The following FAT4 variants were observed in gnomAD, a reference collection of about 807,000 sequenced individuals.
FAT4 encodes the protein FAT atypical cadherin 4.
FAT4 carries 84 observed loss-of-function variants against 303.9 expected under a neutral mutation model. The observed-to-expected ratio is 0.28, with a 90% CI of 0.23 to 0.33. FAT4 has a LOEUF of 0.33. Ranked by LOEUF, FAT4 falls within the 10% of genes least tolerant of loss-of-function variation. FAT4 has a pLI of 1.00. For missense variants in FAT4, 6,005 were observed against 6,146.8 expected (o/e 0.98, Z 0.77); for synonymous variants, 2,307 against 2,298.8 (o/e 1.00, Z -0.10).
chr4:125,468,905 G>T (rs1726766430), intron 12 of FAT4, 86 bp downstream of exon 12: 2 of 1,362,894 alleles, frequency 1.5e-6, no homozygotes, highest in African/African-American at 1.5e-5. Flanking sequence ...TGTTAAATTA[G>T]GTTTATTCAT....
chr4:125,321,152 A>T lies in FAT4; in HGVS notation c.4741A>T (p.Ser1581Cys). 6.2e-7 allele frequency: 1 copy of T among 1,614,168 alleles called. No individual in the cohort carries two copies. The highest frequency in any genetic ancestry group is 1.1e-5 in the South Asian group (1 of 91,082). ...AGACACCTTCATTGTTGATCGTTAT[A>T]GTGGAGACCTGAGAGTGGCTTCAGC... is the stretch of plus-strand genomic sequence containing the variant. Reference protein sequence around the residue: ...DTDTFIVDRYSGDLRVASALV... With the variant: ...DTDTFIVDRYCGDLRVASALV... The change falls in exon 2 of 18, where the codon AGT becomes TGT. Residue 1581 changes from serine (S) to cysteine (C), a missense_variant. Ser to Cys is a moderately radical substitution (Grantham distance 112). Transcript: ENST00000394329.
chr4:125,405,916 A>C (rs2126018639), intron 3 of FAT4, among the ~76,000 whole-genome samples: 1 of 152,256 alleles, frequency 6.6e-6, no homozygotes. Flanking sequence ...TTATTTATAT[A>C]TTTTGAAAAT....
Position 125,490,612 on chromosome 4 carries a change from A to G in FAT4, c.13796A>G (p.Asp4599Gly). The G allele has an allele frequency of 6.2e-7, 1 of 1,614,148 alleles. No individual in the cohort carries two copies. The highest frequency in any genetic ancestry group is 8.5e-7 in the Non-Finnish European group (1 of 1,180,028). Reference protein sequence around the residue: ...ENPYLIYDETDIPHNSETIPS... With the variant: ...ENPYLIYDETGIPHNSETIPS... ...CCCTACCTTATCTATGATGAAACTG[A>G]TATTCCTCACAACTCAGAAACCATC... is the stretch of plus-strand genomic sequence containing the variant. Residue 4599 changes from aspartate (D) to glycine (G), a missense_variant, in exon 18 of 18, where the codon GAT (aspartate) becomes GGT (glycine). Asp to Gly is a moderately conservative substitution (Grantham distance 94). Transcript: ENST00000394329.
chr4:125,415,350 A>G lies in FAT4; in HGVS notation c.6387A>G (p.Lys2129=). The change falls in exon 6 of 18, where the codon AAA becomes AAG. Residue 2129 remains lysine, a synonymous_variant. Coordinates refer to ENST00000394329, the MANE Select transcript of FAT4 (RefSeq NM_001291303.3). ...CTCTAACAGTGGTGGCTACAGACAA[A>G]GGTCAACCATCTCTCTCTTCATCTA... ...NYTLTVVATD[K]GQPSLSSSTE... 1 of 1,614,090 alleles carries G rather than the reference A, an allele frequency of 6.2e-7. No homozygotes were observed. The highest frequency in any genetic ancestry group is 8.5e-7 in the Non-Finnish European group (1 of 1,179,984).
intron 3 of FAT4, among the ~76,000 whole-genome samples, chr4:125,401,785 C>T (rs1734399437): frequency 6.6e-6 from 1 of 151,650 alleles, no homozygotes; most frequent in African/African-American, 2.4e-5. Context: ...AACTTTGCTT[C>T]GTGGTACCAT....
chr4:125,438,529 CA>C (rs1725537232), intron 8 of FAT4, among the ~76,000 whole-genome samples: 1 of 151,920 alleles, frequency 6.6e-6, no homozygotes, highest in South Asian at 2.1e-4. Flanking sequence ...CATTGAAATC[CA>C]AAAACCCCAT....
In FAT4 at chr4:125,315,898, C is replaced by T. The variant is rs1375844276; in HGVS notation, c.-92C>T. The stretch of plus-strand genomic sequence containing the variant: ...GCTTTTGGGAAAGAAATTCGATTCT[C>T]CCGGTTCCCCACCACCCCTTCCCCG... On this transcript the variant is annotated 5_prime_UTR_variant, in exon 1 of 18. Transcript: ENST00000394329. 6.6e-6 allele frequency among the ~76,000 whole-genome samples: 1 copy of T among 152,150 alleles called. No homozygotes were observed. The highest frequency in any genetic ancestry group is 2.4e-5 in the African/African-American group (1 of 41,458).
chr4:125,379,967 C>T (rs757305857), intron 2 of FAT4, among the ~76,000 whole-genome samples: 2 of 152,096 alleles, frequency 1.3e-5, no homozygotes, highest in Non-Finnish European at 2.9e-5. Flanking sequence ...GATCTGGGCT[C>T]ACCGCAACCT....
At chr4:125,440,809 C>A (rs1399377716) in intron 8 of FAT4, among the ~76,000 whole-genome samples, 1 of 152,042 alleles carries the variant, frequency 6.6e-6, no homozygotes, top group East Asian at 1.9e-4. Context: ...ACCTAAAATT[C>A]TTTGCTTTTC....
rs766108453 is a variant in FAT4, at chr4:125,450,300, G to A, written c.9290G>A (p.Ser3097Asn). Reference sequence around the variant, plus strand: ...CCTGAATTCTCTCAAAGCCACATGAGTGCAACCATCCCTGAGAGCCATAGC... The same window carrying A: ...CCTGAATTCTCTCAAAGCCACATGAATGCAACCATCCCTGAGAGCCATAGC... ...HTPEFSQSHMSATIPESHSIG... is the reference protein window; with the variant it reads ...HTPEFSQSHMNATIPESHSIG... Residue 3097 changes from serine (S) to asparagine (N), a missense_variant, in exon 10 of 18, where the codon AGT (serine) becomes AAT (asparagine). Coordinates refer to ENST00000394329, the MANE Select transcript of FAT4 (RefSeq NM_001291303.3). The A allele has an allele frequency of 5.3e-5, 86 of 1,614,106 alleles. No individual in the cohort carries two copies. The East Asian group carries it at 1.0e-3, about 20-fold the overall frequency.
intron 2 of FAT4, among the ~76,000 whole-genome samples, chr4:125,351,471 G>C (rs1045948051): frequency 6.6e-6 from 1 of 151,730 alleles, no homozygotes; most frequent in Non-Finnish European, 1.5e-5. Context: ...ATCCTCTGCT[G>C]TCTCTTAAGA....
intron 2 of FAT4, among the ~76,000 whole-genome samples, chr4:125,370,393 A>G (rs1025234361): frequency 6.6e-6 from 1 of 152,198 alleles, no homozygotes; most frequent in Admixed American, 6.5e-5. Flanking sequence ...TAAACTGTAC[A>G]GCACCTAACA....
chr4:125,454,722 A>T (rs1409454268), intron 10 of FAT4, among the ~76,000 whole-genome samples: 1 of 152,084 alleles, frequency 6.6e-6, no homozygotes, highest in East Asian at 1.9e-4. Flanking sequence ...AATCTCAGCT[A>T]CTCAGGAGAC....
At chr4:125,338,768 C>T (rs1387569446) in intron 2 of FAT4, among the ~76,000 whole-genome samples, 1 of 152,082 alleles carries the variant, frequency 6.6e-6, no homozygotes, top group Non-Finnish European at 1.5e-5. Flanking sequence ...AAGGCTTTGT[C>T]TGCATATTTT....
intron 14 of FAT4, among the ~76,000 whole-genome samples, chr4:125,478,171 G>A (rs1284009207): frequency 6.6e-6 from 1 of 152,122 alleles, no homozygotes; most frequent in African/African-American, 2.4e-5. Flanking sequence ...TAAAGGCAAA[G>A]CTAGGAATAC....
chr4:125,415,072 G>A lies in FAT4; in HGVS notation c.6109G>A (p.Val2037Ile), dbSNP rs1192093557. 5.6e-6 allele frequency: 9 copies of A among 1,613,890 alleles called. No individual in the cohort carries two copies. The highest frequency in any genetic ancestry group is 1.1e-5 in the South Asian group (1 of 91,088). ...CTCCAGATTCACAAGCACTGCTCAA[G>A]TCTCCATTATTTTGTTGGATGTAAA... The part of the protein sequence containing the change: ...PASRFTSTAQ[V>I]SIILLDVNDN... The change falls in exon 6 of 18, where the codon GTC (valine) becomes ATC (isoleucine). Residue 2037 changes from valine to isoleucine, a missense_variant. By Grantham distance (29) the Val-to-Ile change is conservative. Transcript: ENST00000394329.
intron 8 of FAT4, among the ~76,000 whole-genome samples, chr4:125,438,335 C>T (rs1275026796): frequency 6.6e-6 from 1 of 152,104 alleles, no homozygotes; most frequent in Admixed American, 6.5e-5. Context: ...CTATCCTATG[C>T]TTGTGAATTA....
At chr4:125,353,279 C>T (rs144487050) in intron 2 of FAT4, among the ~76,000 whole-genome samples, 187 of 151,872 alleles carry the variant, frequency 1.2e-3, no homozygotes, top group African/African-American at 4.4e-3. Context: ...ACAGAAGTTT[C>T]ACCAAAACAT....
chr4:125,482,077 T>C (rs575027475), intron 16 of FAT4, among the ~76,000 whole-genome samples: 2 of 152,334 alleles, frequency 1.3e-5, no homozygotes, highest in African/African-American at 4.8e-5. Context: ...ACCAAAAATA[T>C]AATGTTTGTT....
Sources: gnomAD v4.1 joint callset for allele counts (sites outside exome capture counted in the v4.1 genomes callset) on GRCh38, gnomAD v4.1.1 for gene constraint, MANE v1.5 for transcripts, NCBI Gene and HGNC (gene_info 2026-07-23, HGNC 2026-07-21) for gene names.